CFAP221: variants seen among roughly 807,000 people sequenced by gnomAD.
CFAP221 encodes the protein cilia and flagella associated protein 221, also known as cilia- and flagella-associated protein 221.
A neutral mutation model predicts 113.1 loss-of-function variants in CFAP221; 97 were observed. That is an observed-to-expected ratio of 0.86 (90% CI 0.73 to 1.02). CFAP221 has a LOEUF of 1.02. Among genes scored for constraint, CFAP221 ranks in the 50% least tolerant of loss-of-function variants. The probability of loss-of-function intolerance (pLI) is 0.00; values close to 1 mark genes in which losing one functional copy is unlikely to be tolerated. For missense variants in CFAP221, 1,025 were observed against 1,013.4 expected (o/e 1.01, Z -0.16); for synonymous variants, 331 against 354.4 (o/e 0.93, Z 0.74).
At position 119,549,142 on chromosome 2, in the gene CFAP221, A is replaced by G. The variant is rs530330913; in HGVS notation, c.197A>G (p.His66Arg). Reference protein sequence around the residue: ...KVIQARPGIIHFGGYQVEKQH... With the variant: ...KVIQARPGIIRFGGYQVEKQH... Reference sequence around the variant, plus strand: ...ATACAGGCAAGACCTGGCATAATACATTTTGGAGGCTATCAAGTAGAAAAA... The same window carrying G: ...ATACAGGCAAGACCTGGCATAATACGTTTTGGAGGCTATCAAGTAGAAAAA... Residue 66 changes from histidine (H) to arginine (R), a missense_variant, in exon 3 of 24, where the codon CAT becomes CGT. Physicochemically the swap from His to Arg is conservative, Grantham distance 29. Coordinates refer to ENST00000413369, the MANE Select transcript of CFAP221 (RefSeq NM_001271049.2). The G allele has an allele frequency of 6.5e-7, 1 of 1,535,282 alleles. No homozygotes were observed. Among genetic ancestry groups the G allele is most frequent in the East Asian group, 2.4e-5 (1 of 40,856 alleles).
intron 11 of CFAP221, among the ~76,000 whole-genome samples, chr2:119,606,403 TCAC>T (rs1684767872): frequency 6.6e-6 from 1 of 152,050 alleles, no homozygotes; most frequent in Non-Finnish European, 1.5e-5. Flanking sequence ...GAACACGCCC[TCAC>T]CTGAAGCCCT....
rs905425826 is a variant in CFAP221, at chr2:119,656,565, T to A, written c.*95T>A. ...ATGCCAGCCATCTCTGCAATTAAAG[T>A]TTCTGGATAAAAAAATGAAATGTAG... On this transcript the variant is annotated 3_prime_UTR_variant, in exon 24 of 24. Coordinates refer to ENST00000413369, the MANE Select transcript of CFAP221 (RefSeq NM_001271049.2). 6 of 771,694 alleles carry A rather than the reference T, an allele frequency of 7.8e-6. No homozygotes were observed. Among genetic ancestry groups the A allele is most frequent in the Non-Finnish European group, 1.3e-5 (6 of 459,844 alleles). The allele number at this position is 771,694 out of a possible 1,614,324, so 47.8% of individuals were successfully genotyped here.
chr2:119,579,738 G>C (rs889310908), intron 6 of CFAP221, among the ~76,000 whole-genome samples: 1 of 152,142 alleles, frequency 6.6e-6, no homozygotes, highest in Non-Finnish European at 1.5e-5. Flanking sequence ...CTTTTCTATG[G>C]GACTTATCAG....
chr2:119,611,587 T>C, intron 12 of CFAP221, 66 bp from the exon 13 acceptor site: 1 of 1,449,310 alleles, frequency 6.9e-7, no homozygotes, highest in South Asian at 1.2e-5. Flanking sequence ...TTTCTACAAG[T>C]TTTAAAGACA....
intron 21 of CFAP221, among the ~76,000 whole-genome samples, chr2:119,642,889 C>G (rs1338198954): frequency 1.3e-5 from 2 of 151,774 alleles, no homozygotes; most frequent in African/African-American, 4.9e-5. Context: ...GGGCTCCACC[C>G]CTATGACCTA....
At chr2:119,603,948 C>A (rs1391460645) in intron 8 of CFAP221, among the ~76,000 whole-genome samples, 1 of 152,182 alleles carries the variant, frequency 6.6e-6, no homozygotes, top group Non-Finnish European at 1.5e-5. Context: ...TTTCTAATTA[C>A]AGAAAAGATC....
At chr2:119,561,676 G>T (rs529017464) in intron 5 of CFAP221, among the ~76,000 whole-genome samples, 1 of 150,298 alleles carries the variant, frequency 6.7e-6, no homozygotes, top group African/African-American at 2.5e-5. Context: ...TTCTGTGCTG[G>T]TTTCTCTTTT....
At chr2:119,636,081 C>T (rs957010441) in intron 19 of CFAP221, among the ~76,000 whole-genome samples, 1 of 150,510 alleles carries the variant, frequency 6.6e-6, no homozygotes, top group East Asian at 1.9e-4. Flanking sequence ...TACCAGAACT[C>T]TTCTCTAACG....
At chr2:119,656,954 G>A (rs564429112), downstream of CFAP221, among the ~76,000 whole-genome samples, 3 of 152,244 alleles carry the variant, frequency 2.0e-5, no homozygotes, top group African/African-American at 7.2e-5. Flanking sequence ...GACCTGGAGA[G>A]GACACTGTGA....
At chr2:119,639,507 C>A (rs1421433992) in intron 20 of CFAP221, among the ~76,000 whole-genome samples, 1 of 152,260 alleles carries the variant, frequency 6.6e-6, no homozygotes, top group African/African-American at 2.4e-5. Flanking sequence ...TCTAAGGCCG[C>A]AGCTGCCCTC....
At chr2:119,619,585 T>C (rs1334119779) in intron 14 of CFAP221, among the ~76,000 whole-genome samples, 1 of 152,000 alleles carries the variant, frequency 6.6e-6, no homozygotes. Flanking sequence ...CATCCGAAGG[T>C]CACCAACATC....
At chr2:119,601,609 A>G in intron 8 of CFAP221, 1 of 437,674 alleles carries the variant, frequency 2.3e-6, no homozygotes, top group Non-Finnish European at 3.9e-6. Context: ...GGGATTTTTG[A>G]AGGACATGTT....
At chr2:119,593,688 A>C (rs1483271598) in intron 7 of CFAP221, among the ~76,000 whole-genome samples, 1 of 152,130 alleles carries the variant, frequency 6.6e-6, no homozygotes, top group Non-Finnish European at 1.5e-5. Context: ...AAATACAAAA[A>C]ATTAGCCAGG....
rs1553491014 is a variant in CFAP221, at chr2:119,628,294, G to GGGGT, written c.1650+509_1650+510insGGTG. 8.1e-4 allele frequency among the ~76,000 whole-genome samples: 112 copies of GGGGT among 137,582 alleles called. 1 individual carries two copies. Among genetic ancestry groups the GGGGT allele is most frequent in the African/African-American group, 8.0e-4 (29 of 36,456 alleles). 90.3% of individuals were successfully genotyped at this position (137,582 alleles called of 152,430 possible). ...CTTCTCTCTCTCTCTCTCTCTGGGG[G>GGGGT]GTGTGTGTGTGTGTGTGTGTGTGTG... On this transcript the variant is annotated intron_variant, in intron 16 of 23. Coordinates refer to ENST00000413369, the MANE Select transcript of CFAP221 (RefSeq NM_001271049.2).
intron 19 of CFAP221, among the ~76,000 whole-genome samples, chr2:119,637,259 G>C (rs1687177365): frequency 6.6e-6 from 1 of 152,066 alleles, no homozygotes; most frequent in Non-Finnish European, 1.5e-5. Flanking sequence ...TTTGCCCCAG[G>C]CCCTCATCCT....
intron 21 of CFAP221, among the ~76,000 whole-genome samples, chr2:119,643,599 C>T (rs1267813460): frequency 6.6e-6 from 1 of 152,136 alleles, no homozygotes; most frequent in Admixed American, 6.5e-5. Context: ...GGCTGGAGTG[C>T]AGTGGCACGA....
chr2:119,617,524 C>T (rs1685610639), intron 14 of CFAP221, among the ~76,000 whole-genome samples: 1 of 152,228 alleles, frequency 6.6e-6, no homozygotes, highest in African/African-American at 2.4e-5. Flanking sequence ...TGCACTGAGC[C>T]TTCCAGCCTG....
At chr2:119,594,102 T>C (rs2104638641) in intron 7 of CFAP221, among the ~76,000 whole-genome samples, 1 of 152,328 alleles carries the variant, frequency 6.6e-6, no homozygotes, top group Admixed American at 6.5e-5. Context: ...CCACCAGTTC[T>C]CTTTTCGTCT....
intron 21 of CFAP221, among the ~76,000 whole-genome samples, chr2:119,642,728 T>G (rs1283128921): frequency 6.6e-6 from 1 of 151,966 alleles, no homozygotes; most frequent in East Asian, 1.9e-4. Flanking sequence ...ATTGTAGAGA[T>G]ATGGTTTTGC....
Sources: gnomAD v4.1 joint callset for allele counts (sites outside exome capture counted in the v4.1 genomes callset) on GRCh38, gnomAD v4.1.1 for gene constraint, MANE v1.5 for transcripts, NCBI Gene and HGNC (gene_info 2026-07-23, HGNC 2026-07-21) for gene names.